TEX14: variants seen among roughly 807,000 people sequenced by gnomAD.
TEX14 encodes the protein testis expressed 14, intercellular bridge forming factor, also known as inactive serine/threonine-protein kinase TEX14.
A neutral mutation model predicts 178.6 loss-of-function variants in TEX14; 168 were observed. The observed-to-expected ratio is 0.94, with a 90% CI of 0.83 to 1.07. The LOEUF is 1.07. Among genes scored for constraint, TEX14 ranks in the 50% least tolerant of loss-of-function variants. TEX14 has a pLI of 0.00. For missense variants in TEX14, 1,730 were observed against 1,753.6 expected (o/e 0.99, Z 0.24); for synonymous variants, 626 against 634.1 (o/e 0.99, Z 0.19).
At chr17:58,686,717 C>T (rs937164499) in intron 1 of TEX14, among the ~76,000 whole-genome samples, 2 of 152,020 alleles carry the variant, frequency 1.3e-5, no homozygotes, top group African/African-American at 4.8e-5. Flanking sequence ...ATTGATACTG[C>T]TAGTATATAT....
intron 1 of TEX14, among the ~76,000 whole-genome samples, chr17:58,664,814 A>T (rs769061098): frequency 6.6e-6 from 1 of 152,146 alleles, no homozygotes; most frequent in Non-Finnish European, 1.5e-5. Context: ...TCCACCTAAA[A>T]ATTCATTTTT....
intron 1 of TEX14, among the ~76,000 whole-genome samples, chr17:58,683,762 CAA>C (rs998966382): frequency 2.1e-4 from 16 of 75,594 alleles, no homozygotes; most frequent in Admixed American, 3.2e-4. Flanking sequence ...GACTCCAGCT[CAA>C]AAAAAAAAAA....
intron 1 of TEX14, among the ~76,000 whole-genome samples, chr17:58,678,818 TATAATA>T (rs56142259): frequency 0.044 from 6,044 of 137,276 alleles, 305 homozygotes; most frequent in African/African-American, 0.13. Context: ...GAACTTAAAG[TATAATA>T]ATAATAATAA....
At chr17:58,683,942 G>A (rs1158546483) in intron 1 of TEX14, among the ~76,000 whole-genome samples, 1 of 151,368 alleles carries the variant, frequency 6.6e-6, no homozygotes, top group South Asian at 2.1e-4. Flanking sequence ...GTGCATCCCT[G>A]TCATCCCAGC....
At chr17:58,680,228 T>C (rs2047478361) in intron 1 of TEX14, among the ~76,000 whole-genome samples, 1 of 152,144 alleles carries the variant, frequency 6.6e-6, no homozygotes, top group African/African-American at 2.4e-5. Flanking sequence ...CTTGCGCAGT[T>C]AAACAAGCTG....
chr17:58,647,490 T>C (rs1160149229), intron 2 of TEX14, among the ~76,000 whole-genome samples: 1 of 150,150 alleles, frequency 6.7e-6, no homozygotes, highest in African/African-American at 2.5e-5. Context: ...TGAGATCGCG[T>C]CACTGCACTC....
chr17:58,644,390 T>C lies in TEX14; in HGVS notation c.136+7476A>G, dbSNP rs556484529. ...CTCTGTCACCCAGGCTGGAGTGCAA[T>C]GGCATGATCTCGGCTCACTGCAAAA... On this transcript the variant is annotated intron_variant, in intron 2 of 31. Coordinates refer to ENST00000349033, the MANE Select transcript of TEX14 (RefSeq NM_031272.5). Among the ~76,000 whole-genome samples the C allele has an allele frequency of 1.4e-4, 22 of 152,272 alleles. No homozygotes were observed. In the East Asian group the frequency reaches 3.7e-3, roughly 25 times the overall value.
chr17:58,613,083 T>C (rs2144520261), intron 9 of TEX14, among the ~76,000 whole-genome samples: 1 of 152,110 alleles, frequency 6.6e-6, no homozygotes, highest in Admixed American at 6.6e-5. Flanking sequence ...GCGCCTGTAG[T>C]TCCAGCTACT....
intron 5 of TEX14, among the ~76,000 whole-genome samples, chr17:58,620,101 A>G (rs1211045899): frequency 6.6e-6 from 1 of 152,158 alleles, no homozygotes; most frequent in Non-Finnish European, 1.5e-5. Context: ...GGAGAAGAAC[A>G]TATACAAATA....
intron 2 of TEX14, among the ~76,000 whole-genome samples, chr17:58,636,627 T>C (rs1466827569): frequency 2.0e-5 from 3 of 152,188 alleles, no homozygotes; most frequent in South Asian, 2.1e-4. Context: ...CTCTGTGATA[T>C]TGTGAAATAT....
In TEX14 at chr17:58,613,557, A is replaced by T; in HGVS notation, c.882-13T>A. 1 of 1,613,602 alleles carries T rather than the reference A, an allele frequency of 6.2e-7. No individual in the cohort carries two copies. Among genetic ancestry groups the T allele is most frequent in the Admixed American group, 1.7e-5 (1 of 59,878 alleles). ...GTGCCGCAGCTTGCTGCAAAAGAAA[A>T]GAAGCTTCAGATAAGGCAGGTGAGA... On this transcript the variant is annotated splice_polypyrimidine_tract_variant and intron_variant, in intron 8 of 31. Coordinates refer to ENST00000349033, the MANE Select transcript of TEX14 (RefSeq NM_031272.5).
At chr17:58,582,479 G>C (rs1002160834) in intron 19 of TEX14, among the ~76,000 whole-genome samples, 2 of 151,770 alleles carry the variant, frequency 1.3e-5, no homozygotes, top group Non-Finnish European at 2.9e-5. Context: ...AACTGGTCTT[G>C]AACTCCTGAC....
chr17:58,602,469 G>C lies in TEX14; in HGVS notation c.1458C>G (p.Ile486Met). The change falls in exon 12 of 32, where the codon ATC becomes ATG. Residue 486 changes from isoleucine (I) to methionine (M), a missense_variant. This residue lies in a region of TEX14 where 789 missense variants were observed against 681.2 expected (regional missense o/e 1.16). Coordinates refer to ENST00000349033, the MANE Select transcript of TEX14 (RefSeq NM_031272.5). The stretch of plus-strand genomic sequence containing the variant: ...TAGTTCGGTCTTTCTGCTTGACGTG[G>C]ATGCCTGACTTAACAATATCATAGT... ...KPYYDIVKSG[I>M]HVKQKDRTMN... 6.8e-6 allele frequency: 11 copies of C among 1,613,954 alleles called. No individual in the cohort carries two copies. Among genetic ancestry groups the C allele is most frequent in the Non-Finnish European group, 9.3e-6 (11 of 1,180,006 alleles).
intron 1 of TEX14, among the ~76,000 whole-genome samples, chr17:58,664,021 C>A (rs951572578): frequency 6.6e-6 from 1 of 152,080 alleles, no homozygotes; most frequent in Non-Finnish European, 1.5e-5. Flanking sequence ...GAGAGTGAGA[C>A]CCTGTCTTAA....
At chr17:58,641,800 G>A (rs1206339652) in intron 2 of TEX14, among the ~76,000 whole-genome samples, 2 of 152,118 alleles carry the variant, frequency 1.3e-5, no homozygotes, top group African/African-American at 4.8e-5. Context: ...AAGCCACTGC[G>A]CCCAGCCAAG....
intron 3 of TEX14, among the ~76,000 whole-genome samples, chr17:58,624,345 T>TC (rs1389128723): frequency 6.7e-5 from 10 of 149,180 alleles, no homozygotes; most frequent in Non-Finnish European, 1.5e-4. Context: ...TCTTTTCTTT[T>TC]TTTTTTTTTT....
At chr17:58,626,053 T>C (rs1160538583) in intron 3 of TEX14, among the ~76,000 whole-genome samples, 2 of 152,024 alleles carry the variant, frequency 1.3e-5, no homozygotes, top group Non-Finnish European at 2.9e-5. Flanking sequence ...CGGCAACATT[T>C]GGGAGATTTC....
intron 1 of TEX14, among the ~76,000 whole-genome samples, chr17:58,690,385 C>T (rs969316368): frequency 6.6e-6 from 1 of 152,150 alleles, no homozygotes; most frequent in Non-Finnish European, 1.5e-5. Flanking sequence ...AGGCTGGTCT[C>T]AAACTCCTGA....
chr17:58,653,486 GGAGGTA>G (rs1472945101), intron 1 of TEX14, among the ~76,000 whole-genome samples: 1 of 152,112 alleles, frequency 6.6e-6, no homozygotes, highest in African/African-American at 2.4e-5. Context: ...GGAGGTGTTG[GGAGGTA>G]GAACCTTTAA....
Sources: gnomAD v4.1 joint callset for allele counts (sites outside exome capture counted in the v4.1 genomes callset) on GRCh38, gnomAD v4.1.1 for gene constraint, gnomAD v4.1.1 regional missense constraint, MANE v1.5 for transcripts, NCBI Gene and HGNC (gene_info 2026-07-23, HGNC 2026-07-21) for gene names.